Variants in PRSS53 observed in about 807,000 individuals in gnomAD.
PRSS53 encodes the protein serine protease 53, also known as EDTP308.
PRSS53 carries 54 observed loss-of-function variants against 62.7 expected under a neutral mutation model. That is an observed-to-expected ratio of 0.86 (90% CI 0.69 to 1.08). The LOEUF is 1.08. PRSS53 is among the 50% of genes least tolerant of loss of function. PRSS53 has a pLI of 0.00. For synonymous variants in PRSS53, 273 were observed against 300.0 expected, an observed-to-expected ratio of 0.91 and a Z score of 0.93; for missense variants, 688 against 728.3, an observed-to-expected ratio of 0.94 and a Z score of 0.64.
chr16:31,088,793 C>T (rs1859406294), exon 1 of PRSS53: 1 of 1,613,698 alleles, frequency 6.2e-7, no homozygotes, highest in Non-Finnish European at 8.5e-7. Flanking sequence ...CAGCACTGGG[C>T]CCCAGCACCA....
chr16:31,087,976 T>A, intron 1 of PRSS53, 150 bp from the exon 2 acceptor site: 8 of 1,533,324 alleles, frequency 5.2e-6, no homozygotes, highest in Non-Finnish European at 7.0e-6. Flanking sequence ...AATATTTATA[T>A]GAGGCCGAGA....
In PRSS53 at chr16:31,084,450, C is replaced by T. The variant is rs2057206087; in HGVS notation, c.1425+108G>A. 6.0e-6 allele frequency: 9 copies of T among 1,496,862 alleles called. No homozygotes were observed. The Admixed American group carries it at 1.6e-4, about 27-fold the overall frequency. The allele number at this position is 1,496,862 out of a possible 1,614,324, so 92.7% of individuals were successfully genotyped here. On this transcript the variant is annotated intron_variant, in intron 9 of 10. Transcript: ENST00000280606. ...GCTAATTGGCAAAAAGGCTTAGTTT[C>T]AGGTGGGAGGTGGGTCCAGAGGCCA...
intron 5 of PRSS53, 75 bp downstream of exon 5, chr16:31,086,262 C>T: frequency 6.3e-7 from 1 of 1,584,670 alleles, no homozygotes; most frequent in Non-Finnish European, 8.6e-7. Context: ...GGTCTTTCCC[C>T]CAGTCCTGTG....
chr16:31,085,583 A>G (rs2057223871), intron 6 of PRSS53, among the ~76,000 whole-genome samples: 1 of 152,166 alleles, frequency 6.6e-6, no homozygotes. Flanking sequence ...TTCCTGACTC[A>G]TTAGTGCATC....
At chr16:31,088,642 G>A in intron 1 of PRSS53, 110 bp downstream of exon 1, 5 of 1,571,186 alleles carry the variant, frequency 3.2e-6, no homozygotes, top group Non-Finnish European at 4.3e-6. Flanking sequence ...CCCACTGGTG[G>A]ACTGTCGCCC....
intron 1 of PRSS53, chr16:31,088,499 G>A (rs1205961242): frequency 9.4e-6 from 13 of 1,382,812 alleles, no homozygotes; most frequent in African/African-American, 8.7e-5. Context: ...CAGGACACAC[G>A]CAGGCAGCAC....
In PRSS53 at chr16:31,084,826, AGGCAGGT is replaced by A. The variant is rs1346835073; in HGVS notation, c.1226_1232del (p.His409LeufsTer26). On this transcript the variant is annotated frameshift_variant, in exon 8 of 11. Coordinates refer to ENST00000280606, the Ensembl canonical transcript of PRSS53. LOFTEE classifies it high-confidence loss of function. ...CCAGAACCCAGCCACGCTCCCCATC[AGGCAGGT>A]GGTGGTCAGGATAGGGCAGGCAGAG... 6.5e-7 allele frequency: 1 copy of A among 1,544,512 alleles called. No homozygotes were observed. Among genetic ancestry groups the A allele is most frequent in the Admixed American group, 2.0e-5 (1 of 51,204 alleles).
At chr16:31,088,456 A>C in intron 1 of PRSS53, 1 of 1,301,412 alleles carries the variant, frequency 7.7e-7, no homozygotes, top group Non-Finnish European at 9.8e-7. Context: ...AGTTTGCCTG[A>C]CGTCATTGTG....
chr16:31,084,872 G>A, exon 8 of PRSS53: 1 of 1,547,710 alleles, frequency 6.5e-7, no homozygotes, highest in Non-Finnish European at 8.7e-7. Flanking sequence ...CCGCAGGCTG[G>A]CTCCCAGTGT....
rs1567417963 is a variant in PRSS53, at chr16:31,087,605, TCCTTGCCTCCTCACACTGG to T, written c.155_173del (p.Ala52GlufsTer30). On this transcript the variant is annotated frameshift_variant, in exon 3 of 11. Transcript: ENST00000280606. LOFTEE classifies it high-confidence loss of function. Reference sequence around the variant, plus strand: ...CCAGGGAGCCGCTGCAGATGTGGGCTCCTTGCCTCCTCACACTGGCCTGCCAGGGCCACTCGCCAGGGAC... The same window carrying T: ...CCAGGGAGCCGCTGCAGATGTGGGCTCCTGCCAGGGCCACTCGCCAGGGAC... The T allele has an allele frequency of 6.2e-7, 1 of 1,611,066 alleles. No homozygotes were observed. The highest frequency in any genetic ancestry group is 1.7e-5 in the Admixed American group (1 of 59,658).
chr16:31,084,532 G>C, intron 9 of PRSS53, 26 bp downstream of exon 9: 1 of 1,590,420 alleles, frequency 6.3e-7, no homozygotes. Context: ...GGCCTGTTAG[G>C]TAAGGTGTGG....
At chr16:31,086,352 C>G in exon 5 of PRSS53, 1 of 1,612,614 alleles carries the variant, frequency 6.2e-7, no homozygotes. Context: ...AGGGGCCCTG[C>G]ACCCCAGGCT....
At chr16:31,087,937 ATTACC>A in intron 1 of PRSS53, 111 bp from the exon 2 acceptor site, 1 of 1,558,914 alleles carries the variant, frequency 6.4e-7, no homozygotes, top group Non-Finnish European at 8.7e-7. Flanking sequence ...TGTGACTCTG[ATTACC>A]TTACCAGCCC....
chr16:31,086,626 C>T lies in PRSS53; in HGVS notation c.508+7G>A, dbSNP rs2057236660. 1 of 1,540,238 alleles carries T rather than the reference C, an allele frequency of 6.5e-7. No homozygotes were observed. Among genetic ancestry groups the T allele is most frequent in the African/African-American group, 1.4e-5 (1 of 72,982 alleles). ...CTCTCCGAGCTTCAGTCTGGGCCAG[C>T]ACTTACCATCACTGGTGTCCTGATC... is the stretch of plus-strand genomic sequence containing the variant. On this transcript the variant is annotated splice_region_variant and intron_variant, in intron 4 of 10. Coordinates refer to ENST00000280606, the Ensembl canonical transcript of PRSS53.
chr16:31,085,816 C>G lies in PRSS53; in HGVS notation c.883+148G>C, dbSNP rs576419989. Reference sequence around the variant, plus strand: ...AGAGTTCCAAAGTGCCTGTGCCTCTCAGCCCTAACAGGGCTGTTCCCATCC... The same window carrying G: ...AGAGTTCCAAAGTGCCTGTGCCTCTGAGCCCTAACAGGGCTGTTCCCATCC... On this transcript the variant is annotated intron_variant, in intron 6 of 10. Coordinates refer to ENST00000280606, the Ensembl canonical transcript of PRSS53. 50 of 690,722 alleles carry G rather than the reference C, an allele frequency of 7.2e-5. 1 individual carries two copies. Among genetic ancestry groups the G allele is most frequent in the South Asian group, 4.4e-4 (24 of 54,442 alleles). The allele number at this position is 690,722 out of a possible 1,614,324, so 42.8% of individuals were successfully genotyped here.
exon 4 of PRSS53, chr16:31,086,683 G>A (rs999727015): frequency 3.0e-5 from 47 of 1,552,566 alleles, no homozygotes; most frequent in Non-Finnish European, 3.7e-5. Context: ...GGCTCCAAAG[G>A]GGAAGCGATG....
chr16:31,086,028 C>G (rs61736185), exon 6 of PRSS53: 1 of 1,614,098 alleles, frequency 6.2e-7, no homozygotes, highest in South Asian at 1.1e-5. Context: ...AAGCTGCCCC[C>G]TGAACTCGAG....
exon 7 of PRSS53, chr16:31,085,251 G>T: frequency 6.3e-7 from 1 of 1,577,278 alleles, no homozygotes; most frequent in Admixed American, 1.8e-5. Context: ...TGTCCTCAAG[G>T]ATCCACAGGC....
exon 6 of PRSS53, chr16:31,086,150 G>T (rs1332910875): frequency 6.2e-7 from 1 of 1,612,468 alleles, no homozygotes. Flanking sequence ...TGTCCGTCAG[G>T]CTCGAGGCAC....
Sources: allele counts gnomAD v4.1 joint callset (sites outside exome capture counted in the v4.1 genomes callset), GRCh38; gene constraint gnomAD v4.1.1; transcripts MANE v1.5; gene names NCBI Gene and HGNC (gene_info 2026-07-23, HGNC 2026-07-21).